STXBP5L: variants seen among roughly 807,000 people sequenced by gnomAD.
STXBP5L encodes the protein syntaxin binding protein 5L.
In STXBP5L, 65 loss-of-function variants were observed where a neutral mutation model predicts 144.5. The observed-to-expected ratio is 0.45, with a 90% confidence interval of 0.37 to 0.55. The LOEUF is 0.55. STXBP5L is among the 20% of genes least tolerant of loss of function. The pLI is 0.00. For synonymous variants in STXBP5L, 505 were observed against 469.6 expected, an observed-to-expected ratio of 1.08 and a Z score of -0.97; for missense variants, 1,298 against 1,405.5, an observed-to-expected ratio of 0.92 and a Z score of 1.22.
At position 121,407,474 on chromosome 3, in the gene STXBP5L, C is replaced by T; in HGVS notation, c.2819C>T (p.Pro940Leu). ...SEKQAKVFSL[P>L]SQTCLYVHNI... is the part of the protein sequence containing the mutation. ...AAACAAGCCAAAGTCTTCTCACTGC[C>T]TTCTCAGACTTGCCTTTATGTTCAT... The change falls in exon 23 of 27, where the codon CCT (proline) becomes CTT (leucine). Residue 940 changes from proline to leucine, a missense_variant. Transcript: ENST00000471454. 3.1e-6 allele frequency: 5 copies of T among 1,613,336 alleles called. No individual in the cohort carries two copies. Among genetic ancestry groups the T allele is most frequent in the Non-Finnish European group, 4.2e-6 (5 of 1,179,482 alleles).
At chr3:121,074,610 T>G (rs184099171) in intron 5 of STXBP5L, among the ~76,000 whole-genome samples, 30 of 152,282 alleles carry the variant, frequency 2.0e-4, no homozygotes, top group South Asian at 4.1e-4. Flanking sequence ...CCTGGCAGCT[T>G]GAGAAATAAT....
Position 121,423,664 on chromosome 3 carries a change from G to A in STXBP5L, c.*4567G>A, listed in dbSNP as rs1037511864. Reference sequence around the variant, plus strand: ...TTAAAATCATTTGGAGTGGGAACCAGACACCAATATTTGCGAAAGCCTCCA... The same window carrying A: ...TTAAAATCATTTGGAGTGGGAACCAAACACCAATATTTGCGAAAGCCTCCA... On this transcript the variant is annotated 3_prime_UTR_variant, in exon 27 of 27. Transcript: ENST00000471454. The A allele has an allele frequency of 6.6e-6, 1 of 152,168 alleles. No individual in the cohort carries two copies. 9.4% of individuals were successfully genotyped at this position (152,168 alleles called of 1,614,324 possible). A position where few individuals can be genotyped will look rare whatever the true frequency, so the allele number is the denominator to read the frequency against.
At chr3:121,299,185 A>G (rs2051786771) in intron 19 of STXBP5L, among the ~76,000 whole-genome samples, 1 of 152,166 alleles carries the variant, frequency 6.6e-6, no homozygotes, top group African/African-American at 2.4e-5. Context: ...ATCATCTATC[A>G]TCGTCATTTT....
Position 121,370,340 on chromosome 3 carries a change from C to A in STXBP5L, c.2177-8376C>A, listed in dbSNP as rs547227267. ...CTGACATTACACCACTGCACTCCAC[C>A]CCGGGCAACAGAGGGAGACTCCGTC... On this transcript the variant is annotated intron_variant, in intron 20 of 26. Transcript: ENST00000471454. 4.6e-5 allele frequency among the ~76,000 whole-genome samples: 7 copies of A among 152,246 alleles called. No homozygotes were observed. The East Asian group carries it at 1.2e-3, about 25-fold the overall frequency.
At chr3:121,040,269 G>T (rs1342799017) in intron 3 of STXBP5L, among the ~76,000 whole-genome samples, 5 of 151,990 alleles carry the variant, frequency 3.3e-5, no homozygotes. Flanking sequence ...GGAACAGTTT[G>T]ATCCTTTTGT....
chr3:121,403,210 G>T (rs774867782), intron 22 of STXBP5L, among the ~76,000 whole-genome samples: 1 of 152,008 alleles, frequency 6.6e-6, no homozygotes, highest in Non-Finnish European at 1.5e-5. Flanking sequence ...TTCTAACTAG[G>T]TGATTCATTT....
At chr3:120,945,587 A>G (rs1195357232) in intron 2 of STXBP5L, among the ~76,000 whole-genome samples, 1 of 151,836 alleles carries the variant, frequency 6.6e-6, no homozygotes, top group Non-Finnish European at 1.5e-5. Flanking sequence ...TTATTTGGGA[A>G]TTAGAAATGA....
At chr3:121,108,330 TATG>T (rs2043813680) in intron 5 of STXBP5L, among the ~76,000 whole-genome samples, 1 of 152,228 alleles carries the variant, frequency 6.6e-6, no homozygotes, top group Non-Finnish European at 1.5e-5. Context: ...GCTCATTCAG[TATG>T]ATATTGGCTG....
rs1268812118 is a variant in STXBP5L at position 121,313,731 on chromosome 3, G to A, written c.2111-4744G>A. ...CGGACGGGGCGGCTGGCCGGGCGGG[G>A]GGCTGACCCCCCCCACCTCCCTCCC... is the stretch of plus-strand genomic sequence containing the variant. On this transcript the variant is annotated intron_variant, in intron 19 of 26. Transcript: ENST00000471454. 1.6e-4 allele frequency among the ~76,000 whole-genome samples: 16 copies of A among 100,648 alleles called. 1 individual carries two copies. In the East Asian group the frequency reaches 4.5e-3, roughly 29 times the overall value. 66.0% of individuals were successfully genotyped at this position (100,648 alleles called of 152,430 possible).
chr3:121,220,631 T>C (rs760503876), intron 10 of STXBP5L, among the ~76,000 whole-genome samples: 5 of 152,112 alleles, frequency 3.3e-5, no homozygotes, highest in Non-Finnish European at 7.4e-5. Context: ...GCAAAATTCC[T>C]GAAAGGAGAT....
At chr3:121,102,141 G>A (rs1188884570) in intron 5 of STXBP5L, among the ~76,000 whole-genome samples, 1 of 151,960 alleles carries the variant, frequency 6.6e-6, no homozygotes, top group African/African-American at 2.4e-5. Flanking sequence ...ACTTCCCAAA[G>A]CAATGTAAAG....
intron 5 of STXBP5L, among the ~76,000 whole-genome samples, chr3:121,046,096 G>T (rs899177297): frequency 3.0e-4 from 45 of 152,138 alleles, no homozygotes; most frequent in African/African-American, 1.0e-3. Context: ...TGTACCAGAA[G>T]ACTTTTCTGC....
chr3:121,223,751 A>C (rs1158080783), intron 11 of STXBP5L, among the ~76,000 whole-genome samples: 1 of 152,156 alleles, frequency 6.6e-6, no homozygotes. Context: ...CATAACAACT[A>C]GTCTAAACTT....
At chr3:121,185,933 A>T (rs1191301) in intron 9 of STXBP5L, among the ~76,000 whole-genome samples, 1 of 152,082 alleles carries the variant, frequency 6.6e-6, no homozygotes, top group Non-Finnish European at 1.5e-5. Context: ...CCATGATCAT[A>T]GAATGTTCTT....
At chr3:121,105,986 AG>A (rs1159278524) in intron 5 of STXBP5L, among the ~76,000 whole-genome samples, 1 of 152,182 alleles carries the variant, frequency 6.6e-6, no homozygotes, top group Non-Finnish European at 1.5e-5. Context: ...ACAAATTCAA[AG>A]GTCTGCCCAT....
At chr3:121,066,997 T>C (rs192953407) in intron 5 of STXBP5L, among the ~76,000 whole-genome samples, 24 of 152,228 alleles carry the variant, frequency 1.6e-4, no homozygotes, top group African/African-American at 5.5e-4. Flanking sequence ...TTTATTAGCC[T>C]TAATGGTAGG....
At chr3:120,993,654 G>T (rs1311458563) in intron 3 of STXBP5L, among the ~76,000 whole-genome samples, 3 of 151,916 alleles carry the variant, frequency 2.0e-5, no homozygotes, top group Non-Finnish European at 4.4e-5. Context: ...TGTTCCATTG[G>T]TCTACATGTC....
intron 20 of STXBP5L, among the ~76,000 whole-genome samples, chr3:121,359,550 C>T (rs1251455578): frequency 2.0e-5 from 3 of 151,830 alleles, no homozygotes; most frequent in African/African-American, 7.3e-5. Context: ...AGAGATATAC[C>T]CCAATCTTGT....
intron 5 of STXBP5L, among the ~76,000 whole-genome samples, chr3:121,049,907 C>A (rs192104407): frequency 2.0e-5 from 3 of 152,072 alleles, no homozygotes; most frequent in Non-Finnish European, 4.4e-5. Flanking sequence ...GTCTGGAAGC[C>A]CTGGTTGCAG....
Sources: allele counts gnomAD v4.1 joint callset (sites outside exome capture counted in the v4.1 genomes callset), GRCh38; gene constraint gnomAD v4.1.1; transcripts MANE v1.5; gene names NCBI Gene and HGNC (gene_info 2026-07-23, HGNC 2026-07-21).